SLC25A26: variants seen among roughly 807,000 people sequenced by gnomAD.
SLC25A26 encodes solute carrier family 25 member 26.
In SLC25A26, 36 loss-of-function variants were observed where a neutral mutation model predicts 37.8. That is an observed-to-expected ratio of 0.95 (90% CI 0.73 to 1.26). The LOEUF is 1.26. Ranked by LOEUF, SLC25A26 falls within the 50% of genes most tolerant of loss-of-function variation. The probability of loss-of-function intolerance (pLI) is 0.00; values close to 1 mark genes in which losing one functional copy is unlikely to be tolerated. For missense variants in SLC25A26, 390 were observed against 331.1 expected (o/e 1.18, Z -1.38); for synonymous variants, 129 against 122.5 (o/e 1.05, Z -0.35).
rs76334380 is a variant in SLC25A26 at position 66,300,529 on chromosome 3, T to A, written c.453+37150T>A. 1.8e-3 allele frequency among the ~76,000 whole-genome samples: 272 copies of A among 152,334 alleles called. 3 individuals carry two copies. The East Asian group carries it at 0.041, about 23-fold the overall frequency. On this transcript the variant is annotated intron_variant, in intron 5 of 9. Coordinates refer to ENST00000354883, the MANE Select transcript of SLC25A26 (RefSeq NM_001379210.1). ...AACAATTAAAATCTTAAAAGTACTT[T>A]CTTAAAGAGTCCTTTGGTGGTGGTG...
intron 1 of SLC25A26, among the ~76,000 whole-genome samples, chr3:66,184,189 C>A (rs1205299145): frequency 6.6e-6 from 1 of 152,050 alleles, no homozygotes; most frequent in Non-Finnish European, 1.5e-5. Flanking sequence ...CTGACCCTTA[C>A]CCTCACTCTG....
chr3:66,192,955 A>G (rs1268521686), intron 1 of SLC25A26, among the ~76,000 whole-genome samples: 3 of 151,446 alleles, frequency 2.0e-5, no homozygotes, highest in African/African-American at 7.3e-5. Flanking sequence ...TGTCTGGAGG[A>G]AAAAAAAAGA....
chr3:66,255,007 T>C lies in SLC25A26; in HGVS notation c.301-7044T>C, dbSNP rs189713371. Among the ~76,000 whole-genome samples, 880 of 152,356 alleles carry C rather than the reference T, an allele frequency of 5.8e-3. 12 individuals are homozygous for C. Among genetic ancestry groups the C allele is most frequent in the African/African-American group, 0.016 (674 of 41,584 alleles). ...GTGTTGAAGGAAGGGAACTTGGCTG[T>C]GGCAATGAAAGAACCAGGGGTTTTA... On this transcript the variant is annotated intron_variant, in intron 3 of 9. Coordinates refer to ENST00000354883, the MANE Select transcript of SLC25A26 (RefSeq NM_001379210.1).
chr3:66,175,107 GTGTATATATATATATATATA>G (rs1189446945), intron 1 of SLC25A26, among the ~76,000 whole-genome samples: 2 of 80,554 alleles, frequency 2.5e-5, no homozygotes, highest in Non-Finnish European at 4.9e-5. Context: ...ATATGTGTGT[GTGTATATATATATATATATA>G]TATATATATA....
At chr3:66,320,668 T>C (rs186612724) in intron 5 of SLC25A26, among the ~76,000 whole-genome samples, 5 of 152,176 alleles carry the variant, frequency 3.3e-5, no homozygotes, top group African/African-American at 1.2e-4. Context: ...TCAAACTGTT[T>C]TCCACAGTGG....
At chr3:66,156,619 T>C (rs528465937) in intron 1 of SLC25A26, among the ~76,000 whole-genome samples, 76 of 152,264 alleles carry the variant, frequency 5.0e-4, no homozygotes, top group Middle Eastern at 3.4e-3. Flanking sequence ...CTTGTCATGA[T>C]GTAGGGGATA....
chr3:66,146,276 G>T (rs112750325), intron 1 of SLC25A26, among the ~76,000 whole-genome samples: 2 of 151,612 alleles, frequency 1.3e-5, no homozygotes, highest in African/African-American at 4.8e-5. Flanking sequence ...GGAGACAGAG[G>T]TTGCAGTGAG....
At chr3:66,338,944 G>A (rs1462840613) in intron 5 of SLC25A26, among the ~76,000 whole-genome samples, 4 of 151,894 alleles carry the variant, frequency 2.6e-5, no homozygotes, top group Non-Finnish European at 5.9e-5. Context: ...ACTCCATCCC[G>A]TTGTATGTAT....
intron 9 of SLC25A26, chr3:66,371,175 C>A: frequency 6.8e-7 from 1 of 1,465,424 alleles, no homozygotes. Context: ...ATCTTACAGG[C>A]ATGTGAAATG....
intron 9 of SLC25A26, among the ~76,000 whole-genome samples, chr3:66,373,265 T>C (rs1174063164): frequency 1.3e-5 from 2 of 152,162 alleles, no homozygotes; most frequent in Non-Finnish European, 2.9e-5. Context: ...ATTTAATCTG[T>C]GGGCACTAGA....
At chr3:66,220,950 G>C, upstream of SLC25A26, 1 of 860,072 alleles carries the variant, frequency 1.2e-6, no homozygotes, top group Non-Finnish European at 1.9e-6. Context: ...GTCTCGCGTT[G>C]CACGTGCAGT....
chr3:66,361,308 G>T (rs766364034), intron 6 of SLC25A26, among the ~76,000 whole-genome samples: 142 of 152,204 alleles, frequency 9.3e-4, no homozygotes, highest in South Asian at 1.0e-3. Flanking sequence ...AGAAAACACA[G>T]GATCAAAAAA....
chr3:66,320,013 TG>T (rs1400354348), intron 5 of SLC25A26, among the ~76,000 whole-genome samples: 1 of 152,168 alleles, frequency 6.6e-6, no homozygotes, highest in Non-Finnish European at 1.5e-5. Flanking sequence ...CCCAAAGTGC[TG>T]GAAAGCAATT....
At chr3:66,335,347 G>A (rs2107695019) in intron 5 of SLC25A26, among the ~76,000 whole-genome samples, 1 of 152,292 alleles carries the variant, frequency 6.6e-6, no homozygotes, top group African/African-American at 2.4e-5. Flanking sequence ...ATGTGTATCT[G>A]TGCATATTTA....
rs1187051235 is a variant in SLC25A26 at position 66,377,853 on chromosome 3, C to T, written c.*46C>T. ...CCACTTCTGTCAAGAGAGGGGCCTG[C>T]AGTGCAAACCCTCTTCCGCTGAGCA... On this transcript the variant is annotated 3_prime_UTR_variant, in exon 10 of 10. Coordinates refer to ENST00000354883, the MANE Select transcript of SLC25A26 (RefSeq NM_001379210.1). 2.1e-6 allele frequency: 3 copies of T among 1,396,718 alleles called. No homozygotes were observed. Among genetic ancestry groups the T allele is most frequent in the Non-Finnish European group, 3.1e-6 (3 of 982,296 alleles). The allele number at this position is 1,396,718 out of a possible 1,614,324, so 86.5% of individuals were successfully genotyped here.
intron 5 of SLC25A26, among the ~76,000 whole-genome samples, chr3:66,332,661 C>T (rs2076004717): frequency 6.6e-6 from 1 of 152,182 alleles, no homozygotes; most frequent in African/African-American, 2.4e-5. Flanking sequence ...ATCCGCCTGC[C>T]TTGGCCTCCT....
At chr3:66,147,721 C>A (rs986511981) in intron 1 of SLC25A26, among the ~76,000 whole-genome samples, 6 of 152,106 alleles carry the variant, frequency 3.9e-5, no homozygotes, top group African/African-American at 7.2e-5. Context: ...TAAAAGCCTT[C>A]CCTTTGCACC....
At chr3:66,310,679 C>T (rs560265762) in intron 5 of SLC25A26, among the ~76,000 whole-genome samples, 21 of 152,300 alleles carry the variant, frequency 1.4e-4, no homozygotes, top group African/African-American at 5.1e-4. Flanking sequence ...TCTTGTAAGG[C>T]AGGCCCGGTG....
At chr3:66,144,430 A>C (rs2070084276) in intron 1 of SLC25A26, among the ~76,000 whole-genome samples, 1 of 152,174 alleles carries the variant, frequency 6.6e-6, no homozygotes, top group East Asian at 1.9e-4. Context: ...GATATAGCAC[A>C]CTGGTGTTCC....
Sources: gnomAD v4.1 joint callset for allele counts (sites outside exome capture counted in the v4.1 genomes callset) on GRCh38, gnomAD v4.1.1 for gene constraint, MANE v1.5 for transcripts, NCBI Gene and HGNC (gene_info 2026-07-23, HGNC 2026-07-21) for gene names.